Variants in LILRA5 observed in about 807,000 individuals in gnomAD.
LILRA5 encodes the protein leukocyte immunoglobulin-like receptor subfamily A member 5.
In LILRA5, 31 loss-of-function variants were observed where a neutral mutation model predicts 36.3. The ratio of observed to expected loss-of-function variants is 0.85; its 90% CI spans 0.64 to 1.15. The LOEUF (loss-of-function observed/expected upper bound fraction) is 1.15, where lower values mean the gene tolerates loss of function less well. Ranked by LOEUF, LILRA5 falls within the 50% of genes most tolerant of loss-of-function variation. The pLI, the probability that LILRA5 is intolerant of heterozygous loss-of-function variation, is 0.00. For synonymous variants in LILRA5, 144 were observed against 144.8 expected, an observed-to-expected ratio of 0.99 and a Z score of 0.04; for missense variants, 348 against 377.4, an observed-to-expected ratio of 0.92 and a Z score of 0.64.
In LILRA5 at chr19:54,312,140, A is replaced by G; in HGVS notation, c.133T>C (p.Ser45Pro). Residue 45 changes from serine to proline, a missense_variant, in exon 4 of 7, where the codon TCC becomes CCC. Physicochemically the swap from Ser to Pro is moderately conservative, Grantham distance 74. Transcript: ENST00000432233. ...PRTHVQAGNL[S>P]KATLWAEPGS... ...GGCTCAGCCCAGAGGGTGGCTTTGGAGAGGTTCCCTGGAAGGAAATCAGAG... is the reference window on the plus strand; with the variant it reads ...GGCTCAGCCCAGAGGGTGGCTTTGGGGAGGTTCCCTGGAAGGAAATCAGAG... 6.2e-7 allele frequency: 1 copy of G among 1,613,674 alleles called. No individual in the cohort carries two copies. Among genetic ancestry groups the G allele is most frequent in the Non-Finnish European group, 8.5e-7 (1 of 1,179,794 alleles).
At chr19:54,308,016 G>A in intron 5 of LILRA5, 1 of 486,800 alleles carries the variant, frequency 2.1e-6, no homozygotes, top group South Asian at 2.4e-5. Context: ...CTCAGGATCT[G>A]CAAGGAAAGT....
At chr19:54,312,679 C>A in intron 1 of LILRA5, 58 bp from the exon 2 acceptor site, 1 of 1,528,906 alleles carries the variant, frequency 6.5e-7, no homozygotes, top group Admixed American at 1.8e-5. Flanking sequence ...TCCTTCTTGT[C>A]ATAGGATTTT....
rs2147856265 is a variant in LILRA5 at position 54,312,057 on chromosome 19, C to T, written c.216G>A (p.Glu72=). The change falls in exon 4 of 7, where the codon GAG becomes GAA. Residue 72 remains glutamate (E), a synonymous_variant. Transcript: ENST00000432233. ...CTTTAACCAGACGGTATTCCTGGGC[C>T]TCCAGGGTCCCCTGACACCGGATGG... ...SVTIRCQGTL[E]AQEYRLVKEG... The T allele has an allele frequency of 1.9e-6, 3 of 1,614,174 alleles. No individual in the cohort carries two copies. The highest frequency in any genetic ancestry group is 1.7e-5 in the Admixed American group (1 of 60,022).
intron 3 of LILRA5, 33 bp downstream of exon 3, chr19:54,312,302 G>C: frequency 6.2e-7 from 1 of 1,614,196 alleles, no homozygotes; most frequent in Non-Finnish European, 8.5e-7. Flanking sequence ...CCATTGAGGA[G>C]GAGGGACCTG....
chr19:54,307,258 A>AG lies in LILRA5; in HGVS notation c.*154_*155insC. 2 of 530,950 alleles carry AG rather than the reference A, an allele frequency of 3.8e-6. No individual in the cohort carries two copies. Among genetic ancestry groups the AG allele is most frequent in the East Asian group, 4.5e-5 (1 of 22,204 alleles). The allele number at this position is 530,950 out of a possible 1,614,324, so 32.9% of individuals were successfully genotyped here. On this transcript the variant is annotated 3_prime_UTR_variant, in exon 7 of 7. Coordinates refer to ENST00000432233, the MANE Select transcript of LILRA5 (RefSeq NM_021250.4). ...ACTCCATCTCAAAAAAAAAAAAAAAAAAAAAAAAGAAAGAAAAGAAAAGAA... is the reference window on the plus strand; with the variant it reads ...ACTCCATCTCAAAAAAAAAAAAAAAAGAAAAAAAAGAAAGAAAAGAAAAGAA...
chr19:54,310,958 C>CTTTT lies in LILRA5; in HGVS notation c.712+452_712+455dup, dbSNP rs55912820. 2.0e-3 allele frequency: 349 copies of CTTTT among 174,994 alleles called. 2 individuals carry two copies. The highest frequency in any genetic ancestry group is 9.0e-3 in the African/African-American group (335 of 37,188). 10.8% of individuals were successfully genotyped at this position (174,994 alleles called of 1,614,324 possible). On this transcript the variant is annotated intron_variant, in intron 5 of 6. Coordinates refer to ENST00000432233, the MANE Select transcript of LILRA5 (RefSeq NM_021250.4). ...TCTCCCTTGCTCTGTTTTTCTTTTT[C>CTTTT]TTTTTTTTTTTTTTTGAGACAGAGT...
chr19:54,312,469 A>G, intron 2 of LILRA5, 68 bp downstream of exon 2: 6 of 1,613,822 alleles, frequency 3.7e-6, no homozygotes, highest in South Asian at 1.1e-5. Flanking sequence ...CTGATAGACA[A>G]GGGCCTCGTT....
In LILRA5 at chr19:54,313,114, G is replaced by C; in HGVS notation, c.-95C>G. 7.2e-7 allele frequency: 1 copy of C among 1,398,504 alleles called. No homozygotes were observed. The highest frequency in any genetic ancestry group is 1.2e-5 in the South Asian group (1 of 86,508). 86.6% of individuals were successfully genotyped at this position (1,398,504 alleles called of 1,614,324 possible). A position where few individuals can be genotyped will look rare whatever the true frequency, so the allele number is the denominator to read the frequency against. On this transcript the variant is annotated 5_prime_UTR_variant, in exon 1 of 7. Transcript: ENST00000432233. ...TCAGCAGAGACACATCTGACACCTG[G>C]CTGTGTAGCCCAGGCTGAGCTGCAT...
At position 54,313,082 on chromosome 19, in the gene LILRA5, A is replaced by G. The variant is rs1357131266; in HGVS notation, c.-63T>C. The G allele has an allele frequency of 1.1e-5, 17 of 1,508,636 alleles. No individual in the cohort carries two copies. Among genetic ancestry groups the G allele is most frequent in the East Asian group, 4.5e-5 (2 of 44,540 alleles). The allele number at this position is 1,508,636 out of a possible 1,614,324, so 93.5% of individuals were successfully genotyped here. On this transcript the variant is annotated 5_prime_UTR_variant, in exon 1 of 7. Transcript: ENST00000432233. ...AGATGCAGGTCCATGCCACAGGCAGACTCAGATCAGCAGAGACACATCTGA... is the reference window on the plus strand; with the variant it reads ...AGATGCAGGTCCATGCCACAGGCAGGCTCAGATCAGCAGAGACACATCTGA...
rs192215312 is a variant in LILRA5, at chr19:54,310,988, C to T, written c.712+426G>A. The T allele has an allele frequency of 3.2e-3, 707 of 221,306 alleles. 13 individuals carry two copies. The highest frequency in any genetic ancestry group is 0.025 in the East Asian group (225 of 9,130). The allele number at this position is 221,306 out of a possible 1,614,324, so 13.7% of individuals were successfully genotyped here. ...TTTTTTTTTTTGAGACAGAGTCTCG[C>T]TCTGTCACCCAGGCTGGAGTGCAAT... is the stretch of plus-strand genomic sequence containing the variant. On this transcript the variant is annotated intron_variant, in intron 5 of 6. Transcript: ENST00000432233.
At chr19:54,310,479 C>T (rs1374837795) in intron 5 of LILRA5, 1 of 153,952 alleles carries the variant, frequency 6.5e-6, no homozygotes, top group Non-Finnish European at 1.4e-5. Context: ...TCACGAACCT[C>T]AGACCCCAGC....
In LILRA5 at chr19:54,307,685, TCTC is replaced by T. The variant is rs749124258; in HGVS notation, c.763+10_763+12del. On this transcript the variant is annotated intron_variant, in intron 6 of 6. Coordinates refer to ENST00000432233, the MANE Select transcript of LILRA5 (RefSeq NM_021250.4). ...TGTGCCAGTTCCATAACTGAGAGCA[TCTC>T]CTCACTCACCAGTCCCAGAGTCAGA... is the stretch of plus-strand genomic sequence containing the variant. 2.5e-6 allele frequency: 4 copies of T among 1,613,984 alleles called. No individual in the cohort carries two copies. The East Asian group carries it at 6.7e-5, about 27-fold the overall frequency.
chr19:54,307,685 T>A lies in LILRA5; in HGVS notation c.763+13A>T, dbSNP rs1569137714. On this transcript the variant is annotated intron_variant, in intron 6 of 6. Coordinates refer to ENST00000432233, the MANE Select transcript of LILRA5 (RefSeq NM_021250.4). ...TGTGCCAGTTCCATAACTGAGAGCA[T>A]CTCCTCACTCACCAGTCCCAGAGTC... The A allele has an allele frequency of 6.2e-7, 1 of 1,613,984 alleles. No homozygotes were observed. The highest frequency in any genetic ancestry group is 2.2e-5 in the East Asian group (1 of 44,880).
chr19:54,310,728 C>T (rs1601182802), intron 5 of LILRA5: 1 of 328,166 alleles, frequency 3.0e-6, no homozygotes, highest in Non-Finnish European at 6.3e-6. Context: ...GGGCTGCCGG[C>T]CAGTGGAGGA....
intron 3 of LILRA5, 62 bp from the exon 4 acceptor site, chr19:54,312,210 C>T (rs1479464027): frequency 3.1e-6 from 5 of 1,610,392 alleles, no homozygotes; most frequent in Non-Finnish European, 4.2e-6. Context: ...CAGCTCTCAG[C>T]CCCAGGACCC....
At position 54,312,104 on chromosome 19, in the gene LILRA5, T is replaced by G. The variant is rs2081033563; in HGVS notation, c.169A>C (p.Ile57Leu). ...ATLWAEPGSV[I>L]SRGNSVTIRC... ...ATGGTCACAGAGTTCCCCCGGCTGA[T>G]CACAGAGCCTGGCTCAGCCCAGAGG... The change falls in exon 4 of 7, where the codon ATC becomes CTC. Residue 57 changes from isoleucine (I) to leucine (L), a missense_variant. Coordinates refer to ENST00000432233, the MANE Select transcript of LILRA5 (RefSeq NM_021250.4). 6.2e-7 allele frequency: 1 copy of G among 1,613,932 alleles called. No homozygotes were observed. Among genetic ancestry groups the G allele is most frequent in the Non-Finnish European group, 8.5e-7 (1 of 1,179,994 alleles).
chr19:54,312,190 C>G, intron 3 of LILRA5, 42 bp from the exon 4 acceptor site: 1 of 1,611,050 alleles, frequency 6.2e-7, no homozygotes, highest in Non-Finnish European at 8.5e-7. Flanking sequence ...CCTCCCCACC[C>G]CTCAGATCCC....
rs1229753657 is a variant in LILRA5 at position 54,312,135 on chromosome 19, T to G, written c.138A>C (p.Lys46Asn). 6.2e-7 allele frequency: 1 copy of G among 1,613,830 alleles called. No individual in the cohort carries two copies. The highest frequency in any genetic ancestry group is 8.5e-7 in the Non-Finnish European group (1 of 1,179,878). Residue 46 changes from lysine to asparagine, a missense_variant, in exon 4 of 7, where the codon AAA (lysine) becomes AAC (asparagine). Coordinates refer to ENST00000432233, the MANE Select transcript of LILRA5 (RefSeq NM_021250.4). ...RTHVQAGNLSKATLWAEPGSV... is the reference protein window; with the variant it reads ...RTHVQAGNLSNATLWAEPGSV... ...AGCCTGGCTCAGCCCAGAGGGTGGC[T>G]TTGGAGAGGTTCCCTGGAAGGAAAT...
intron 5 of LILRA5, chr19:54,309,980 TG>T: frequency 3.4e-6 from 1 of 297,708 alleles, no homozygotes; most frequent in South Asian, 2.8e-5. Context: ...GCGGTGTGAG[TG>T]GTACCCACAG....
Sources: gnomAD v4.1 joint callset for allele counts on GRCh38, gnomAD v4.1.1 for gene constraint, MANE v1.5 for transcripts, NCBI Gene and HGNC (gene_info 2026-07-23, HGNC 2026-07-21) for gene names.